KMT2C: variants seen among roughly 807,000 people sequenced by gnomAD.
KMT2C encodes the protein histone-lysine N-methyltransferase 2C.
KMT2C carries 88 observed loss-of-function variants against 507.9 expected under a neutral mutation model. The observed-to-expected ratio is 0.17, with a 90% CI of 0.15 to 0.21. The LOEUF is 0.21. Among genes scored for constraint, KMT2C ranks in the 10% least tolerant of loss-of-function variants. The pLI is 1.00. For synonymous variants in KMT2C, 2,049 were observed against 2,080.8 expected (o/e 0.98, Z 0.42); for missense variants, 4,954 against 5,957.8 (o/e 0.83, Z 5.55).
chr7:152,262,870 TTTA>T, intron 9 of KMT2C, 143 bp downstream of exon 9: 1 of 606,992 alleles, frequency 1.6e-6, no homozygotes, highest in Non-Finnish European at 2.9e-6. Context: ...GAGTGTACAG[TTTA>T]TTATATGTCA....
At chr7:152,409,607 T>C (rs1279127589) in intron 1 of KMT2C, among the ~76,000 whole-genome samples, 8 of 150,020 alleles carry the variant, frequency 5.3e-5, no homozygotes, top group African/African-American at 1.7e-4. Flanking sequence ...GGCGGGCGCC[T>C]GTAGTCCCAG....
intron 25 of KMT2C, 27 bp from the exon 26 acceptor site, chr7:152,203,091 A>T: frequency 2.6e-6 from 4 of 1,555,428 alleles, no homozygotes; most frequent in African/African-American, 1.4e-5. Context: ...ATTTATAAAT[A>T]TGTGACATTT....
At chr7:152,418,835 A>G (rs1191908202) in intron 1 of KMT2C, among the ~76,000 whole-genome samples, 1 of 151,500 alleles carries the variant, frequency 6.6e-6, no homozygotes, top group African/African-American at 2.4e-5. Flanking sequence ...AGGTTACAAA[A>G]CTCTAAATGT....
chr7:152,308,086 C>T (rs967619653), intron 6 of KMT2C, among the ~76,000 whole-genome samples: 4 of 152,122 alleles, frequency 2.6e-5, no homozygotes, highest in Admixed American at 1.3e-4. Context: ...TTAAACTGTT[C>T]AAAATTTGAT....
intron 2 of KMT2C, among the ~76,000 whole-genome samples, chr7:152,334,892 A>G (rs993693516): frequency 1.3e-5 from 2 of 152,236 alleles, no homozygotes; most frequent in East Asian, 1.9e-4. Context: ...AGCCACTGCT[A>G]TATTTTGGGG....
chr7:152,161,119 G>C (rs1020847973), intron 43 of KMT2C, among the ~76,000 whole-genome samples: 7 of 152,188 alleles, frequency 4.6e-5, no homozygotes, highest in African/African-American at 1.7e-4. Flanking sequence ...AAAGTGGATG[G>C]AGACTGTGCT....
intron 31 of KMT2C, among the ~76,000 whole-genome samples, chr7:152,193,079 G>A (rs1382372159): frequency 1.3e-5 from 2 of 152,178 alleles, no homozygotes; most frequent in African/African-American, 4.8e-5. Context: ...GGAGGCTGAG[G>A]ACAGTAGGAT....
intron 23 of KMT2C, among the ~76,000 whole-genome samples, chr7:152,209,825 GA>G (rs137877355): frequency 0.029 from 4,409 of 151,064 alleles, 222 homozygotes; most frequent in African/African-American, 0.1. Context: ...AGAAAGAACT[GA>G]AAAAAAGAAT....
chr7:152,355,925 C>A (rs191505566), intron 2 of KMT2C, among the ~76,000 whole-genome samples: 1 of 151,998 alleles, frequency 6.6e-6, no homozygotes, highest in Non-Finnish European at 1.5e-5. Context: ...TTCTGCAGCA[C>A]CCCCCTTATG....
At chr7:152,219,360 A>T (rs547664339) in intron 23 of KMT2C, among the ~76,000 whole-genome samples, 1 of 152,322 alleles carries the variant, frequency 6.6e-6, no homozygotes, top group South Asian at 2.1e-4. Context: ...GTTACCTAAC[A>T]TTAAAATATA....
chr7:152,394,703 T>C lies in KMT2C; in HGVS notation c.162-36028A>G, dbSNP rs190163486. Among the ~76,000 whole-genome samples, 34 of 152,352 alleles carry C rather than the reference T, an allele frequency of 2.2e-4. 2 individuals carry two copies. Among genetic ancestry groups the C allele is most frequent in the African/African-American group, 7.7e-4 (32 of 41,584 alleles). Reference sequence around the variant, plus strand: ...CTTCTCCCTTATCCCCACTAAAATATAAGCCCGTGAAGGAAGGCAATGAAC... The same window carrying C: ...CTTCTCCCTTATCCCCACTAAAATACAAGCCCGTGAAGGAAGGCAATGAAC... On this transcript the variant is annotated intron_variant, in intron 1 of 58. Coordinates refer to ENST00000262189, the MANE Select transcript of KMT2C (RefSeq NM_170606.3).
At chr7:152,317,710 G>A (rs182706946) in intron 3 of KMT2C, among the ~76,000 whole-genome samples, 104 of 152,270 alleles carry the variant, frequency 6.8e-4, no homozygotes, top group African/African-American at 2.0e-3. Context: ...TAGATGTCAC[G>A]CACTACAGCA....
intron 4 of KMT2C, 139 bp downstream of exon 4, chr7:152,314,995 GAGTC>G: frequency 1.5e-6 from 1 of 653,866 alleles, no homozygotes; most frequent in Non-Finnish European, 2.6e-6. Flanking sequence ...GGTTAATGGT[GAGTC>G]AGAGTATCCC....
rs377598341 is a variant in KMT2C, at chr7:152,180,912, A to T, written c.6948T>A (p.Ser2316Arg). The T allele has an allele frequency of 2.5e-6, 4 of 1,614,164 alleles. No individual in the cohort carries two copies. In the African/African-American group the frequency reaches 4.0e-5, roughly 16 times the overall value. The change falls in exon 36 of 59, where the codon AGT becomes AGA. Residue 2316 changes from serine (S) to arginine (R), a missense_variant. By Grantham distance (110) the Ser-to-Arg change is moderately radical. This residue lies in a region of KMT2C where 1,689 missense variants were observed against 1,654.3 expected (regional missense o/e 1.02). Coordinates refer to ENST00000262189, the MANE Select transcript of KMT2C (RefSeq NM_170606.3). Reference sequence around the variant, plus strand: ...GATCAGCAACATCATGGGCAGTTTGACTTGTTCCAAAAGAGTCAGACTGAG... The same window carrying T: ...GATCAGCAACATCATGGGCAGTTTGTCTTGTTCCAAAAGAGTCAGACTGAG... The part of the protein sequence containing the change: ...PRSQSDSFGT[S>R]QTAHDVADQP...
intron 1 of KMT2C, among the ~76,000 whole-genome samples, chr7:152,420,457 G>A (rs769321066): frequency 1.3e-5 from 2 of 152,126 alleles, no homozygotes; most frequent in African/African-American, 2.4e-5. Flanking sequence ...TGCACAAAGC[G>A]GGAACTTCTG....
At chr7:152,432,160 T>C (rs574186723) in intron 1 of KMT2C, among the ~76,000 whole-genome samples, 77 of 152,270 alleles carry the variant, frequency 5.1e-4, no homozygotes, top group Non-Finnish European at 9.3e-4. Context: ...AGGCCAAGGA[T>C]AGTGCTTCAG....
intron 23 of KMT2C, among the ~76,000 whole-genome samples, chr7:152,218,658 C>T (rs1410213901): frequency 3.3e-5 from 5 of 152,228 alleles, no homozygotes; most frequent in East Asian, 1.9e-4. Context: ...CATTCCATTG[C>T]TATTAAGCAC....
chr7:152,183,742 C>T (rs1268936475), intron 34 of KMT2C, among the ~76,000 whole-genome samples: 2 of 151,920 alleles, frequency 1.3e-5, no homozygotes, highest in African/African-American at 4.8e-5. Context: ...ACTAAAAATA[C>T]AAAATTAGCC....
chr7:152,435,065 G>A (rs1160970766), intron 1 of KMT2C, among the ~76,000 whole-genome samples: 1 of 152,118 alleles, frequency 6.6e-6, no homozygotes, highest in Non-Finnish European at 1.5e-5. Flanking sequence ...ATCATCAAAA[G>A]AAGAAAACAC....
Sources: allele counts gnomAD v4.1 joint callset (sites outside exome capture counted in the v4.1 genomes callset), GRCh38; gene constraint gnomAD v4.1.1; regional missense constraint gnomAD v4.1.1; transcripts MANE v1.5; gene names NCBI Gene and HGNC (gene_info 2026-07-23, HGNC 2026-07-21).